Variants in ZPBP observed in about 807,000 individuals in gnomAD.
ZPBP encodes zona pellucida binding protein.
Under a neutral mutation model 44.8 loss-of-function variants are expected in ZPBP, and 26 were observed. The ratio of observed to expected loss-of-function variants is 0.58; its 90% CI spans 0.43 to 0.81. The LOEUF (loss-of-function observed/expected upper bound fraction) is 0.81. Ranked by LOEUF, ZPBP falls within the 30% of genes least tolerant of loss-of-function variation. The pLI is 0.00. For synonymous variants in ZPBP, 174 were observed against 153.2 expected, an observed-to-expected ratio of 1.14 and a Z score of -1.00; for missense variants, 409 against 434.0, an observed-to-expected ratio of 0.94 and a Z score of 0.51.
At chr7:50,045,232 A>C (rs1800288554) in intron 4 of ZPBP, among the ~76,000 whole-genome samples, 5 of 152,198 alleles carry the variant, frequency 3.3e-5, no homozygotes, top group Admixed American at 3.3e-4. Flanking sequence ...CCCTTTGAAA[A>C]CTGGCACAAG....
intron 2 of ZPBP, among the ~76,000 whole-genome samples, chr7:49,863,980 AT>A (rs1484985563): frequency 2.0e-5 from 3 of 152,082 alleles, no homozygotes; most frequent in African/African-American, 7.2e-5. Flanking sequence ...GTTTTAAAAT[AT>A]TTTCCCTTTA....
At chr7:50,067,560 A>G (rs1408603976) in intron 3 of ZPBP, among the ~76,000 whole-genome samples, 1 of 152,170 alleles carries the variant, frequency 6.6e-6, no homozygotes, top group Non-Finnish European at 1.5e-5. Flanking sequence ...TCCCTTTAAT[A>G]TGAAACTGCT....
intron 2 of ZPBP, among the ~76,000 whole-genome samples, chr7:50,087,321 A>T (rs1026945002): frequency 6.6e-6 from 1 of 152,068 alleles, no homozygotes; most frequent in Non-Finnish European, 1.5e-5. Flanking sequence ...ATACATCATA[A>T]TCAACTGGAA....
At chr7:49,915,630 C>T (rs1303074127) in intron 1 of ZPBP, 1 of 152,048 alleles carries the variant, frequency 6.6e-6, no homozygotes, top group Non-Finnish European at 1.5e-5. Context: ...TTCAAACAAG[C>T]ATTGTTGGAA....
intron 2 of ZPBP, among the ~76,000 whole-genome samples, chr7:49,851,719 G>C (rs576915470): frequency 6.6e-6 from 1 of 152,158 alleles, no homozygotes; most frequent in African/African-American, 2.4e-5. Flanking sequence ...TTAGCTGGGC[G>C]TGCTGGCACA....
intron 7 of ZPBP, among the ~76,000 whole-genome samples, chr7:49,957,263 C>A (rs1424484854): frequency 2.0e-5 from 3 of 152,212 alleles, no homozygotes; most frequent in African/African-American, 7.2e-5. Context: ...TCTATTATAG[C>A]AGCACAGAGT....
chr7:49,931,549 T>C (rs1794443253), intron 1 of ZPBP, among the ~76,000 whole-genome samples: 1 of 152,130 alleles, frequency 6.6e-6, no homozygotes, highest in Non-Finnish European at 1.5e-5. Flanking sequence ...TTGAGAGAGA[T>C]GATTTACGGT....
At chr7:49,869,707 C>A (rs1346362958) in intron 2 of ZPBP, among the ~76,000 whole-genome samples, 1 of 152,172 alleles carries the variant, frequency 6.6e-6, no homozygotes, top group African/African-American at 2.4e-5. Flanking sequence ...CACTGGACTG[C>A]TTGTAAGTTG....
intron 1 of ZPBP, among the ~76,000 whole-genome samples, chr7:50,091,911 T>C (rs1803010633): frequency 6.6e-6 from 1 of 152,218 alleles, no homozygotes; most frequent in Non-Finnish European, 1.5e-5. Flanking sequence ...TTCTGCCACT[T>C]ACTGGTTTTA....
intron 6 of ZPBP, among the ~76,000 whole-genome samples, chr7:49,993,638 G>C (rs1166126637): frequency 6.6e-6 from 1 of 152,062 alleles, no homozygotes; most frequent in South Asian, 2.1e-4. Context: ...CTGATGAATG[G>C]GGCCTAATGT....
At chr7:49,941,980 C>G (rs1794905706) in intron 7 of ZPBP, among the ~76,000 whole-genome samples, 1 of 152,038 alleles carries the variant, frequency 6.6e-6, no homozygotes, top group African/African-American at 2.4e-5. Context: ...AAATGATTTT[C>G]ACAAAGGATG....
rs1796693857 is a variant in ZPBP at position 49,979,766 on chromosome 7, T to C, written c.961+3576A>G. 3.5e-5 allele frequency among the ~76,000 whole-genome samples: 5 copies of C among 142,580 alleles called. No homozygotes were observed. In the South Asian group the frequency reaches 1.1e-3, roughly 31 times the overall value. The allele number at this position is 142,580 out of a possible 152,430, so 93.5% of individuals were successfully genotyped here. A position where few individuals can be genotyped will look rare whatever the true frequency, so the allele number is the denominator to read the frequency against. ...TAATAGCTTAACTACTATGTTCCAG[T>C]TTATTTTTTGGGTATTTCTATGTTT... On this transcript the variant is annotated intron_variant, in intron 7 of 7. Coordinates refer to ENST00000046087, the MANE Select transcript of ZPBP (RefSeq NM_007009.3).
chr7:49,931,801 T>G (rs1379505843), intron 1 of ZPBP, among the ~76,000 whole-genome samples: 1 of 152,184 alleles, frequency 6.6e-6, no homozygotes, highest in Non-Finnish European at 1.5e-5. Context: ...ATCACAGGCC[T>G]GGAGGCCTAG....
chr7:49,989,687 C>CT (rs1315476961), intron 6 of ZPBP, among the ~76,000 whole-genome samples: 3 of 152,272 alleles, frequency 2.0e-5, no homozygotes, highest in Admixed American at 1.3e-4. Flanking sequence ...AGTAACCCTG[C>CT]TTATTCCTGT....
At chr7:50,013,719 A>T (rs1798686567) in intron 6 of ZPBP, among the ~76,000 whole-genome samples, 1 of 152,094 alleles carries the variant, frequency 6.6e-6, no homozygotes, top group Admixed American at 6.6e-5. Context: ...TGACCCCGAT[A>T]TGAAAGACTC....
intron 6 of ZPBP, among the ~76,000 whole-genome samples, chr7:50,012,801 C>T (rs967786256): frequency 1.3e-4 from 20 of 150,024 alleles, no homozygotes; most frequent in East Asian, 3.9e-4. Flanking sequence ...TCAGAGAAAA[C>T]AGAATACATA....
chr7:49,939,134 G>A (rs148646536), intron 7 of ZPBP, among the ~76,000 whole-genome samples: 2,044 of 152,202 alleles, frequency 0.013, 38 homozygotes, highest in African/African-American at 0.046. Context: ...TGTTGATTAT[G>A]GCACATTTTC....
chr7:49,953,339 C>T (rs1429654824), intron 7 of ZPBP, among the ~76,000 whole-genome samples: 1 of 152,062 alleles, frequency 6.6e-6, no homozygotes, highest in Non-Finnish European at 1.5e-5. Flanking sequence ...CTATGTTAGT[C>T]TGGGAAGAGG....
At chr7:49,864,571 G>T (rs138989542) in intron 2 of ZPBP, among the ~76,000 whole-genome samples, 1 of 152,118 alleles carries the variant, frequency 6.6e-6, no homozygotes, top group East Asian at 1.9e-4. Flanking sequence ...TTTTGGCCTG[G>T]GTAGTTGGCT....
Sources: gnomAD v4.1 joint callset for allele counts (sites outside exome capture counted in the v4.1 genomes callset) on GRCh38, gnomAD v4.1.1 for gene constraint, MANE v1.5 for transcripts, NCBI Gene and HGNC (gene_info 2026-07-23, HGNC 2026-07-21) for gene names.